COG5: variants seen among roughly 807,000 people sequenced by gnomAD.
COG5 encodes component of oligomeric golgi complex 5.
A neutral mutation model predicts 110.4 loss-of-function variants in COG5; 86 were observed. The ratio of observed to expected loss-of-function variants is 0.78; its 90% CI spans 0.65 to 0.93. COG5 has a LOEUF of 0.93. COG5 is among the 40% of genes least tolerant of loss of function. The pLI, the probability that COG5 is intolerant of heterozygous loss-of-function variation, is 0.00. For missense variants in COG5, 1,077 were observed against 987.0 expected (o/e 1.09, Z -1.22); for synonymous variants, 360 against 334.6 (o/e 1.08, Z -0.83).
At chr7:107,409,002 C>G (rs1020883887) in intron 7 of COG5, among the ~76,000 whole-genome samples, 3 of 151,672 alleles carry the variant, frequency 2.0e-5, no homozygotes, top group South Asian at 4.2e-4. Flanking sequence ...CAAACTTTAA[C>G]CAATACAAGC....
chr7:107,395,843 C>G (rs1317226884), intron 7 of COG5, among the ~76,000 whole-genome samples: 1 of 152,226 alleles, frequency 6.6e-6, no homozygotes, highest in African/African-American at 2.4e-5. Context: ...GCGTGAGCCA[C>G]TGCGCCCAGA....
intron 8 of COG5, among the ~76,000 whole-genome samples, chr7:107,371,655 T>A (rs1477820348): frequency 6.6e-6 from 1 of 152,100 alleles, no homozygotes; most frequent in Non-Finnish European, 1.5e-5. Context: ...AGAAATAACA[T>A]GCAGGTAGTA....
At chr7:107,556,112 T>C (rs757117694) in intron 2 of COG5, among the ~76,000 whole-genome samples, 3 of 152,082 alleles carry the variant, frequency 2.0e-5, no homozygotes, top group South Asian at 2.1e-4. Flanking sequence ...GAGAACCACA[T>C]TGATCACTCC....
intron 10 of COG5, among the ~76,000 whole-genome samples, chr7:107,333,706 T>C (rs900431233): frequency 6.6e-6 from 1 of 152,276 alleles, no homozygotes; most frequent in East Asian, 1.9e-4. Flanking sequence ...GGATTAAATA[T>C]GATGTTTCTA....
intron 6 of COG5, among the ~76,000 whole-genome samples, chr7:107,499,886 ATCCCCCAGCTCACT>A (rs1798529010): frequency 6.6e-6 from 1 of 151,998 alleles, no homozygotes; most frequent in Non-Finnish European, 1.5e-5. Context: ...TTTCTAAAAC[ATCCCCCAGCTCACT>A]TCTCCTCAAG....
intron 10 of COG5, among the ~76,000 whole-genome samples, chr7:107,334,240 C>T (rs879719873): frequency 2.6e-5 from 4 of 151,988 alleles, no homozygotes; most frequent in Non-Finnish European, 1.5e-5. Flanking sequence ...GAAATCCTGT[C>T]ATTCAAGGTA....
chr7:107,408,436 C>G (rs1792024284), intron 7 of COG5, among the ~76,000 whole-genome samples: 1 of 152,190 alleles, frequency 6.6e-6, no homozygotes, highest in South Asian at 2.1e-4. Flanking sequence ...TTCTGAGTTA[C>G]AGAGTCTTTA....
intron 6 of COG5, among the ~76,000 whole-genome samples, chr7:107,453,985 C>CGCAA (rs142347658): frequency 8.9e-6 from 1 of 112,102 alleles, no homozygotes; most frequent in Non-Finnish European, 2.1e-5. Flanking sequence ...AAGAAATTTA[C>CGCAA]TCAGATAAAA....
intron 10 of COG5, among the ~76,000 whole-genome samples, chr7:107,332,511 G>A (rs1810342769): frequency 6.6e-6 from 1 of 151,910 alleles, no homozygotes; most frequent in Non-Finnish European, 1.5e-5. Context: ...ATGAAGAGGA[G>A]GAGGAATCAA....
At chr7:107,497,343 GA>G (rs961733712) in intron 6 of COG5, among the ~76,000 whole-genome samples, 4 of 152,060 alleles carry the variant, frequency 2.6e-5, no homozygotes, top group African/African-American at 9.7e-5. Context: ...AAATCAAAAG[GA>G]AAGTAGTAAA....
intron 17 of COG5, among the ~76,000 whole-genome samples, chr7:107,244,932 C>T (rs1055509574): frequency 6.6e-6 from 1 of 152,108 alleles, no homozygotes; most frequent in Non-Finnish European, 1.5e-5. Context: ...AGAGGGGCTC[C>T]TCCCCAACCC....
At position 107,372,634 on chromosome 7, in the gene COG5, T is replaced by A. The variant is rs768338390; in HGVS notation, c.796A>T (p.Ile266Leu). 6.8e-6 allele frequency: 11 copies of A among 1,613,618 alleles called. No homozygotes were observed. In the African/African-American group the frequency reaches 1.2e-4, roughly 18 times the overall value. Residue 266 changes from isoleucine to leucine, a missense_variant, in exon 8 of 22, where the codon ATA becomes TTA. Physicochemically the swap from Ile to Leu is conservative, Grantham distance 5. Transcript: ENST00000297135. Reference protein sequence around the residue: ...LEENINSALDIKVLTQPSQSA... With the variant: ...LEENINSALDLKVLTQPSQSA... ...TGGGAAGGCTGAGTCAAAACTTTTA[T>A]GTCTAATGCACTGTTGATATTTTCT...
intron 14 of COG5, among the ~76,000 whole-genome samples, chr7:107,263,062 T>C (rs1417212087): frequency 2.6e-5 from 4 of 152,222 alleles, no homozygotes; most frequent in Non-Finnish European, 4.4e-5. Flanking sequence ...AGGAACAGAT[T>C]AGCATTTAGG....
At chr7:107,435,481 C>T (rs989590516) in intron 6 of COG5, among the ~76,000 whole-genome samples, 2 of 151,868 alleles carry the variant, frequency 1.3e-5, no homozygotes, top group African/African-American at 2.4e-5. Flanking sequence ...GGTGAAACCT[C>T]GTTTCTACTA....
Position 107,300,492 on chromosome 7 carries a change from C to T in COG5, c.1109-2146G>A, listed in dbSNP as rs1012708268. Among the ~76,000 whole-genome samples, 11 of 152,086 alleles carry T rather than the reference C, an allele frequency of 7.2e-5. No individual in the cohort carries two copies. The South Asian group carries it at 8.3e-4, about 11-fold the overall frequency. ...CTGAATTTAGCAAAGTTGCAGGATA[C>T]GATTAATGTGCAAAACTCAGTCATA... On this transcript the variant is annotated intron_variant, in intron 11 of 21. Coordinates refer to ENST00000297135, the MANE Select transcript of COG5 (RefSeq NM_006348.5).
In COG5 at chr7:107,338,883, C is replaced by A. The variant is rs114977537; in HGVS notation, c.1027-14362G>T. 5.4e-3 allele frequency among the ~76,000 whole-genome samples: 814 copies of A among 152,130 alleles called. 8 individuals are homozygous for A. Among genetic ancestry groups the A allele is most frequent in the African/African-American group, 0.019 (792 of 41,532 alleles). ...AAGAGATCCTTAAGGGAGTTCTAAC[C>A]ATGGAAATGAAAGAATGATACCTGT... On this transcript the variant is annotated intron_variant, in intron 10 of 21. Transcript: ENST00000297135.
At chr7:107,551,790 T>C (rs1270444531) in intron 3 of COG5, among the ~76,000 whole-genome samples, 2 of 152,164 alleles carry the variant, frequency 1.3e-5, no homozygotes, top group African/African-American at 4.8e-5. Flanking sequence ...GCTAATGTTT[T>C]ATTTTTTATA....
At chr7:107,380,052 A>G (rs550217403) in intron 7 of COG5, among the ~76,000 whole-genome samples, 51 of 152,348 alleles carry the variant, frequency 3.3e-4, no homozygotes, top group African/African-American at 1.1e-3. Context: ...CAAATGCAAA[A>G]GAACGGAAAT....
At chr7:107,246,038 T>C (rs554179127) in intron 17 of COG5, among the ~76,000 whole-genome samples, 15 of 152,236 alleles carry the variant, frequency 9.9e-5, no homozygotes, top group Admixed American at 4.6e-4. Flanking sequence ...TGGAACAGAA[T>C]AGAAAGCCCA....
Sources: gnomAD v4.1 joint callset for allele counts (sites outside exome capture counted in the v4.1 genomes callset) on GRCh38, gnomAD v4.1.1 for gene constraint, MANE v1.5 for transcripts, NCBI Gene and HGNC (gene_info 2026-07-23, HGNC 2026-07-21) for gene names.